The following CEP290 variants were observed in gnomAD, a reference collection of about 807,000 sequenced individuals.
The protein encoded by CEP290 is centrosomal protein of 290 kDa.
Under a neutral mutation model 344.9 loss-of-function variants are expected in CEP290, and 317 were observed. That is an observed-to-expected ratio of 0.92 (90% CI 0.84 to 1.01). The LOEUF (loss-of-function observed/expected upper bound fraction) is 1.01. CEP290 is among the 50% of genes least tolerant of loss of function. The pLI, the probability that CEP290 is intolerant of heterozygous loss-of-function variation, is 0.00. For missense variants in CEP290, 2,754 were observed against 2,761.4 expected (o/e 1.00, Z 0.06); for synonymous variants, 932 against 895.8 (o/e 1.04, Z -0.72).
Position 88,064,017 on chromosome 12 carries a change from C to T in CEP290, c.6234G>A (p.Gln2078=), listed in dbSNP as rs916982542. The change falls in exon 45 of 54, where the codon CAG becomes CAA. Residue 2078 remains glutamine, a synonymous_variant. Transcript: ENST00000552810. The part of the protein sequence containing the change: ...LSSENIELKF[Q]LEQANKDLPR... ...GCAAATCTTTATTTGCTTGTTCAAGCTGAAATTTCAGTTCAATATTTTCAG... is the reference window on the plus strand; with the variant it reads ...GCAAATCTTTATTTGCTTGTTCAAGTTGAAATTTCAGTTCAATATTTTCAG... The T allele has an allele frequency of 1.3e-6, 2 of 1,598,154 alleles. No homozygotes were observed. The highest frequency in any genetic ancestry group is 1.3e-5 in the African/African-American group (1 of 74,486).
intron 45 of CEP290, among the ~76,000 whole-genome samples, chr12:88,063,093 C>T (rs987427957): frequency 9.5e-5 from 14 of 148,078 alleles, no homozygotes; most frequent in African/African-American, 3.5e-4. Context: ...GGCAAATGAA[C>T]GTCTAACATT....
At chr12:88,079,337 T>A in intron 38 of CEP290, 108 bp from the exon 39 acceptor site, 1 of 851,604 alleles carries the variant, frequency 1.2e-6, no homozygotes, top group Non-Finnish European at 1.7e-6. Flanking sequence ...ACTATTTTTC[T>A]AAAATATTAT....
intron 39 of CEP290, 122 bp from the exon 40 acceptor site, chr12:88,078,040 A>G (rs1267468022): frequency 4.4e-6 from 2 of 458,384 alleles, no homozygotes; most frequent in Non-Finnish European, 7.6e-6. Flanking sequence ...TAAGTACACA[A>G]GAGAAAAAAA....
At chr12:88,141,638 C>A (rs1465490784) in intron 1 of CEP290, among the ~76,000 whole-genome samples, 1 of 152,068 alleles carries the variant, frequency 6.6e-6, no homozygotes, top group African/African-American at 2.4e-5. Context: ...CGCGAACACC[C>A]TAATCCTGGC....
chr12:88,080,138 C>T, intron 38 of CEP290, 44 bp downstream of exon 38: 1 of 1,261,468 alleles, frequency 7.9e-7, no homozygotes, highest in Non-Finnish European at 1.1e-6. Flanking sequence ...AGCAATCTAC[C>T]ACATATTTTT....
intron 32 of CEP290, among the ~76,000 whole-genome samples, chr12:88,086,851 C>T (rs966343473): frequency 6.6e-6 from 1 of 152,204 alleles, no homozygotes; most frequent in East Asian, 1.9e-4. Flanking sequence ...AACTTGCATT[C>T]TGGCGAAGGA....
chr12:88,111,221 T>C lies in CEP290; in HGVS notation c.2348A>G (p.Tyr783Cys), dbSNP rs780990839. The C allele has an allele frequency of 7.1e-6, 10 of 1,410,152 alleles. No individual in the cohort carries two copies. The highest frequency in any genetic ancestry group is 8.3e-6 in the Non-Finnish European group (9 of 1,078,570). 87.4% of individuals were successfully genotyped at this position (1,410,152 alleles called of 1,614,324 possible). ...CAATACCTGTAACAAATGTATTAAA[T>C]ATTCATTCTGAGAATTAATGATACT... Reference protein sequence around the residue: ...SASIINSQNEYLIHLLQELEN... With the variant: ...SASIINSQNECLIHLLQELEN... The change falls in exon 22 of 54, where the codon TAT (tyrosine) becomes TGT (cysteine). Residue 783 changes from tyrosine to cysteine, a missense_variant. Physicochemically the swap from Tyr to Cys is radical, Grantham distance 194 (BLOSUM62 -2). Coordinates refer to ENST00000552810, the MANE Select transcript of CEP290 (RefSeq NM_025114.4).
At chr12:88,101,745 T>C (rs942423904) in intron 26 of CEP290, among the ~76,000 whole-genome samples, 2 of 151,946 alleles carry the variant, frequency 1.3e-5, no homozygotes, top group African/African-American at 2.4e-5. Context: ...TGATACATTA[T>C]CCACAAGATG....
intron 39 of CEP290, among the ~76,000 whole-genome samples, chr12:88,078,371 G>T (rs2035942504): frequency 6.6e-6 from 1 of 152,106 alleles, no homozygotes; most frequent in African/African-American, 2.4e-5. Flanking sequence ...TAGACAATAT[G>T]TATGCCACTA....
intron 1 of CEP290, 113 bp from the exon 2 acceptor site, chr12:88,141,447 A>G (rs2040657512): frequency 6.0e-6 from 3 of 501,536 alleles, no homozygotes; most frequent in Non-Finnish European, 1.0e-5. Flanking sequence ...TGTTAGCAAA[A>G]CAGACAATTG....
chr12:88,089,397 C>G lies in CEP290; in HGVS notation c.3664G>C (p.Glu1222Gln). 2 of 1,612,932 alleles carry G rather than the reference C, an allele frequency of 1.2e-6. No individual in the cohort carries two copies. The highest frequency in any genetic ancestry group is 1.1e-5 in the South Asian group (1 of 90,798). ...LSEATALGKL[E>Q]SITSKLQKME... Reference sequence around the variant, plus strand: ...TTCTGCAGTTTAGATGTAATTGACTCCAACTTACCAAGAGCAGTAGCCTCA... The same window carrying G: ...TTCTGCAGTTTAGATGTAATTGACTGCAACTTACCAAGAGCAGTAGCCTCA... The change falls in exon 31 of 54, where the codon GAG becomes CAG. Residue 1222 changes from glutamate (E) to glutamine (Q), a missense_variant. Glu to Gln is a conservative substitution (Grantham distance 29). Coordinates refer to ENST00000552810, the MANE Select transcript of CEP290 (RefSeq NM_025114.4).
At chr12:88,118,446 A>G (rs2039196808) in intron 17 of CEP290, 37 bp downstream of exon 17, 3 of 1,457,694 alleles carry the variant, frequency 2.1e-6, no homozygotes, top group African/African-American at 1.4e-5. Context: ...TCACTTATCA[A>G]TAATTCTTTT....
intron 26 of CEP290, among the ~76,000 whole-genome samples, chr12:88,099,413 G>T (rs889401478): frequency 6.6e-6 from 1 of 152,112 alleles, no homozygotes; most frequent in Admixed American, 6.5e-5. Context: ...GAGCTGTGAG[G>T]AAAAAGGCTG....
rs2038007630 is a variant in CEP290, at chr12:88,102,960, C to T, written c.2869G>A (p.Val957Ile). 5 of 1,592,760 alleles carry T rather than the reference C, an allele frequency of 3.1e-6. No individual in the cohort carries two copies. The East Asian group carries it at 9.2e-5, about 29-fold the overall frequency. ...GCCAGTTCTAGTTCAGACAAAGAAA[C>T]ACTATTATCTACAACTTTTTGGAGA... ...AALQKVVDNS[V>I]SLSELELANK... Residue 957 changes from valine to isoleucine, a missense_variant, in exon 26 of 54, where the codon GTT (valine) becomes ATT (isoleucine). Val to Ile is a conservative substitution (Grantham distance 29). Coordinates refer to ENST00000552810, the MANE Select transcript of CEP290 (RefSeq NM_025114.4).
In CEP290 at chr12:88,079,115, C is replaced by T. The variant is rs773445041; in HGVS notation, c.5341G>A (p.Asp1781Asn). Residue 1781 changes from aspartate to asparagine, a missense_variant, in exon 39 of 54, where the codon GAT becomes AAT. By Grantham distance (23) the Asp-to-Asn change is conservative. Transcript: ENST00000552810. ...ACCTTTAGCTCTCTAGTATGTCGAT[C>T]AACGATTTGTTGAACATTGAGATGG... ...EAHLNVQQIV[D>N]RHTRELKTQV... The T allele has an allele frequency of 1.9e-6, 3 of 1,591,730 alleles. No individual in the cohort carries two copies. Among genetic ancestry groups the T allele is most frequent in the Admixed American group, 3.6e-5 (2 of 55,790 alleles).
chr12:88,083,970 T>C lies in CEP290; in HGVS notation c.4705-16A>G. ...CTCTTTGCTCCTGTTTTACAGAAAATCGAAACTATATCTTAAATTGTGATT... is the reference window on the plus strand; with the variant it reads ...CTCTTTGCTCCTGTTTTACAGAAAACCGAAACTATATCTTAAATTGTGATT... On this transcript the variant is annotated splice_polypyrimidine_tract_variant and intron_variant, in intron 35 of 53. Coordinates refer to ENST00000552810, the MANE Select transcript of CEP290 (RefSeq NM_025114.4). The C allele has an allele frequency of 6.8e-7, 1 of 1,460,954 alleles. No individual in the cohort carries two copies. Among genetic ancestry groups the C allele is most frequent in the Non-Finnish European group, 9.4e-7 (1 of 1,059,840 alleles). The allele number at this position is 1,460,954 out of a possible 1,614,324, so 90.5% of individuals were successfully genotyped here. A position where few individuals can be genotyped will look rare whatever the true frequency, so the allele number is the denominator to read the frequency against.
In CEP290 at chr12:88,086,162, A is replaced by C. The variant is rs773185972; in HGVS notation, c.4314T>G (p.Ala1438=). ...AACTAGGGTCAGGGATTGATCCTGTAGCTTCTTCAAACTATTAAGAAATAG... is the reference window on the plus strand; with the variant it reads ...AACTAGGGTCAGGGATTGATCCTGTCGCTTCTTCAAACTATTAAGAAATAG... ...ILNAAQKFEE[A]TGSIPDPSLP... Residue 1438 remains alanine (A), a synonymous_variant, in exon 34 of 54, where the codon GCT becomes GCG. Coordinates refer to ENST00000552810, the MANE Select transcript of CEP290 (RefSeq NM_025114.4). 16 of 1,610,564 alleles carry C rather than the reference A, an allele frequency of 9.9e-6. No individual in the cohort carries two copies. Among genetic ancestry groups the C allele is most frequent in the Non-Finnish European group, 8.5e-6 (10 of 1,179,262 alleles).
At chr12:88,070,633 G>C (rs1252330009) in intron 43 of CEP290, among the ~76,000 whole-genome samples, 2 of 152,096 alleles carry the variant, frequency 1.3e-5, no homozygotes, top group African/African-American at 4.8e-5. Flanking sequence ...TAAGGTAAAA[G>C]TCGTTTTTTT....
chr12:88,131,499 G>A (rs1023794850), intron 6 of CEP290, among the ~76,000 whole-genome samples: 1 of 152,042 alleles, frequency 6.6e-6, no homozygotes, highest in African/African-American at 2.4e-5. Flanking sequence ...CTGGCCTCAA[G>A]TGATCCATCT....
Sources: allele counts gnomAD v4.1 joint callset (sites outside exome capture counted in the v4.1 genomes callset), GRCh38; gene constraint gnomAD v4.1.1; transcripts MANE v1.5; gene names NCBI Gene and HGNC (gene_info 2026-07-23, HGNC 2026-07-21).